GPC5: variants seen among roughly 807,000 people sequenced by gnomAD.
The protein encoded by GPC5 is glypican 5, also known as glypican-5.
In GPC5, 47 loss-of-function variants were observed where a neutral mutation model predicts 53.9. That is an observed-to-expected ratio of 0.87 (90% CI 0.69 to 1.11). GPC5 has a LOEUF of 1.11. GPC5 is among the 50% of genes most tolerant of loss of function. GPC5 has a pLI of 0.00. For missense variants in GPC5, 748 were observed against 713.1 expected, an observed-to-expected ratio of 1.05 and a Z score of -0.56; for synonymous variants, 286 against 263.3, an observed-to-expected ratio of 1.09 and a Z score of -0.84.
At chr13:92,234,620 G>A (rs1041243929) in intron 7 of GPC5, among the ~76,000 whole-genome samples, 34 of 152,026 alleles carry the variant, frequency 2.2e-4, no homozygotes, top group African/African-American at 6.3e-4. Context: ...GATATATGGC[G>A]GTGGTGGGGG....
intron 7 of GPC5, among the ~76,000 whole-genome samples, chr13:92,392,214 T>A (rs973583750): frequency 5.3e-5 from 8 of 152,172 alleles, no homozygotes; most frequent in Non-Finnish European, 1.0e-4. Flanking sequence ...AAACCATAAT[T>A]CTTAACCTTG....
At chr13:92,448,986 T>C (rs983886286) in intron 7 of GPC5, 1 of 150,250 alleles carries the variant, frequency 6.7e-6, no homozygotes. Context: ...ATGGGTGATG[T>C]GTTATGTAGT....
At chr13:92,340,449 C>G (rs2043356836) in intron 7 of GPC5, 1 of 152,144 alleles carries the variant, frequency 6.6e-6, no homozygotes, top group Admixed American at 6.6e-5. Context: ...GTCTTGAACT[C>G]TTGGCCTTAA....
chr13:91,407,413 A>G lies in GPC5; in HGVS notation c.163+8204A>G, dbSNP rs1280617611. Among the ~76,000 whole-genome samples the G allele has an allele frequency of 1.3e-5, 2 of 152,228 alleles. 1 individual carries two copies. The highest frequency in any genetic ancestry group is 4.1e-4 in the South Asian group (2 of 4,834). ...AGGAAAAGAAAATTATTTAACATCT[A>G]AAGGATTAATTTGCACAGCTGTTAT... On this transcript the variant is annotated intron_variant, in intron 1 of 7. Coordinates refer to ENST00000377067, the MANE Select transcript of GPC5 (RefSeq NM_004466.6).
At chr13:92,485,647 C>T (rs1879524446) in intron 7 of GPC5, among the ~76,000 whole-genome samples, 1 of 152,198 alleles carries the variant, frequency 6.6e-6, no homozygotes, top group Non-Finnish European at 1.5e-5. Flanking sequence ...TGGATCATTA[C>T]AGCCCTACCT....
At chr13:92,560,183 A>G (rs1882649806) in intron 7 of GPC5, among the ~76,000 whole-genome samples, 1 of 152,026 alleles carries the variant, frequency 6.6e-6, no homozygotes, top group African/African-American at 2.4e-5. Context: ...AACATATGAA[A>G]CAATAAAATC....
At chr13:92,805,579 G>A (rs902362026) in intron 7 of GPC5, among the ~76,000 whole-genome samples, 1 of 151,948 alleles carries the variant, frequency 6.6e-6, no homozygotes, top group Non-Finnish European at 1.5e-5. Context: ...TGGGACTACA[G>A]GTGCACACCA....
chr13:92,508,083 C>G (rs1566620470), intron 7 of GPC5, among the ~76,000 whole-genome samples: 1 of 152,114 alleles, frequency 6.6e-6, no homozygotes, highest in African/African-American at 2.4e-5. Flanking sequence ...CCTGCCTCAG[C>G]CTCCCCAGTA....
Position 92,656,585 on chromosome 13 carries a change from C to G in GPC5, c.1562-209697C>G, listed in dbSNP as rs534196652. 4.6e-5 allele frequency among the ~76,000 whole-genome samples: 7 copies of G among 152,320 alleles called. No individual in the cohort carries two copies. The South Asian group carries it at 1.4e-3, about 32-fold the overall frequency. ...TACATTCAAGTTATTTATATACCCA[C>G]CCACTCACAAACATGCTTTTCTATT... is the stretch of plus-strand genomic sequence containing the variant. On this transcript the variant is annotated intron_variant, in intron 7 of 7. Transcript: ENST00000377067.
intron 2 of GPC5, among the ~76,000 whole-genome samples, chr13:91,533,243 C>T (rs1329677920): frequency 6.6e-6 from 1 of 152,168 alleles, no homozygotes; most frequent in Non-Finnish European, 1.5e-5. Context: ...GGTGAGCTTT[C>T]AAAGACACTG....
At chr13:91,741,583 A>G (rs1400567703) in intron 4 of GPC5, among the ~76,000 whole-genome samples, 1 of 152,244 alleles carries the variant, frequency 6.6e-6, no homozygotes, top group Non-Finnish European at 1.5e-5. Context: ...AGATAGATTC[A>G]TATTAAATGG....
At chr13:92,471,803 G>A (rs536195137) in intron 7 of GPC5, among the ~76,000 whole-genome samples, 45 of 152,210 alleles carry the variant, frequency 3.0e-4, no homozygotes, top group African/African-American at 1.1e-3. Flanking sequence ...TTAGATCACA[G>A]TAAAGAAGCT....
chr13:92,363,716 T>A (rs989186187), intron 7 of GPC5, among the ~76,000 whole-genome samples: 3 of 151,792 alleles, frequency 2.0e-5, no homozygotes, highest in African/African-American at 4.9e-5. Context: ...CCTTGAAACA[T>A]CACTTGATTT....
intron 7 of GPC5, among the ~76,000 whole-genome samples, chr13:92,157,641 T>A (rs2041954753): frequency 6.6e-6 from 1 of 152,202 alleles, no homozygotes. Context: ...GGGGCTTATG[T>A]TAGGAAGAAA....
intron 2 of GPC5, among the ~76,000 whole-genome samples, chr13:91,651,557 TA>T (rs2034711202): frequency 6.6e-6 from 1 of 151,970 alleles, no homozygotes; most frequent in South Asian, 2.1e-4. Flanking sequence ...TCATCTCTAC[TA>T]AAAATACAAA....
At chr13:92,025,611 G>T (rs943039028) in intron 6 of GPC5, among the ~76,000 whole-genome samples, 1 of 152,112 alleles carries the variant, frequency 6.6e-6, no homozygotes, top group African/African-American at 2.4e-5. Context: ...CAAAGAATTG[G>T]CCCAACTGTG....
intron 7 of GPC5, among the ~76,000 whole-genome samples, chr13:92,229,635 C>T (rs1157631330): frequency 6.6e-6 from 1 of 152,030 alleles, no homozygotes; most frequent in African/African-American, 2.4e-5. Context: ...GTCATGTCAG[C>T]CTGCTTTGAG....
At chr13:92,503,538 A>G (rs1416352892) in intron 7 of GPC5, among the ~76,000 whole-genome samples, 1 of 151,628 alleles carries the variant, frequency 6.6e-6, no homozygotes, top group African/African-American at 2.4e-5. Context: ...AGAGAATAAG[A>G]AAGTGAAAAG....
At chr13:92,454,782 AT>A (rs1420660114) in intron 7 of GPC5, among the ~76,000 whole-genome samples, 1 of 152,140 alleles carries the variant, frequency 6.6e-6, no homozygotes, top group Non-Finnish European at 1.5e-5. Flanking sequence ...GGTGTTCATC[AT>A]TTTTCTAAAC....
Sources: allele counts gnomAD v4.1 joint callset (sites outside exome capture counted in the v4.1 genomes callset), GRCh38; gene constraint gnomAD v4.1.1; transcripts MANE v1.5; gene names NCBI Gene and HGNC (gene_info 2026-07-23, HGNC 2026-07-21).